PSD3: variants seen among roughly 807,000 people sequenced by gnomAD.
PSD3 encodes the protein PH and SEC7 domain-containing protein 3.
PSD3 carries 49 observed loss-of-function variants against 105.5 expected under a neutral mutation model. The ratio of observed to expected loss-of-function variants is 0.46; its 90% CI spans 0.37 to 0.59. The LOEUF (loss-of-function observed/expected upper bound fraction) is 0.59, where lower values mean the gene tolerates loss of function less well. Among genes scored for constraint, PSD3 ranks in the 20% least tolerant of loss-of-function variants. The pLI, the probability that PSD3 is intolerant of heterozygous loss-of-function variation, is 0.00. For synonymous variants in PSD3, 557 were observed against 457.8 expected (o/e 1.22, Z -2.77); for missense variants, 1,561 against 1,263.8 (o/e 1.24, Z -3.57).
intron 11 of PSD3, 81 bp from the exon 12 acceptor site, chr8:18,600,515 G>C: frequency 8.5e-7 from 1 of 1,175,128 alleles, no homozygotes; most frequent in South Asian, 1.3e-5. Flanking sequence ...CATGGTGACA[G>C]TGTTTCAATA....
At chr8:18,861,235 G>C (rs1357579480) in intron 4 of PSD3, among the ~76,000 whole-genome samples, 1 of 152,118 alleles carries the variant, frequency 6.6e-6, no homozygotes, top group Non-Finnish European at 1.5e-5. Context: ...TGCTGGAGAA[G>C]GGACAACACA....
intron 9 of PSD3, among the ~76,000 whole-genome samples, chr8:18,693,911 G>A (rs1359440887): frequency 6.6e-6 from 1 of 152,174 alleles, no homozygotes; most frequent in African/African-American, 2.4e-5. Flanking sequence ...ACTTATATTA[G>A]ATGGTGCAGG....
At chr8:18,578,903 CTA>C (rs1221563593) in intron 12 of PSD3, among the ~76,000 whole-genome samples, 1 of 151,958 alleles carries the variant, frequency 6.6e-6, no homozygotes, top group African/African-American at 2.4e-5. Flanking sequence ...AAGGAGAACA[CTA>C]TATACGGCAT....
At position 18,804,516 on chromosome 8, in the gene PSD3, T is replaced by A; in HGVS notation, c.1910+6A>T. ...AATGACGAGCAGCAAGGAGGCTTAG[T>A]CATACCTGAGTGACTGATCCAGCGT... On this transcript the variant is annotated splice_donor_region_variant and intron_variant, in intron 6 of 15. Transcript: ENST00000327040. 2 of 1,597,186 alleles carry A rather than the reference T, an allele frequency of 1.3e-6. No individual in the cohort carries two copies. The highest frequency in any genetic ancestry group is 2.2e-5 in the East Asian group (1 of 44,812).
intron 9 of PSD3, among the ~76,000 whole-genome samples, chr8:18,714,278 T>C (rs1213519043): frequency 1.3e-5 from 2 of 151,910 alleles, no homozygotes; most frequent in Non-Finnish European, 2.9e-5. Context: ...AATTGACAAA[T>C]GAAATCTAAT....
At chr8:18,791,712 A>C (rs544738040) in intron 8 of PSD3, among the ~76,000 whole-genome samples, 3 of 152,344 alleles carry the variant, frequency 2.0e-5, no homozygotes, top group African/African-American at 7.2e-5. Flanking sequence ...TTGGAATAAA[A>C]GCAAAAATTG....
chr8:18,850,394 C>T (rs1311840992), intron 4 of PSD3, among the ~76,000 whole-genome samples: 1 of 152,184 alleles, frequency 6.6e-6, no homozygotes, highest in African/African-American at 2.4e-5. Context: ...AAGCCCTGAT[C>T]AAAGATGATC....
intron 1 of PSD3, among the ~76,000 whole-genome samples, chr8:19,043,462 T>C (rs1586660809): frequency 6.6e-6 from 1 of 152,162 alleles, no homozygotes; most frequent in Non-Finnish European, 1.5e-5. Context: ...ACTAGTAGAT[T>C]GGGGTCCAAT....
At chr8:18,678,841 A>T (rs1800218425) in intron 9 of PSD3, among the ~76,000 whole-genome samples, 1 of 151,974 alleles carries the variant, frequency 6.6e-6, no homozygotes, top group Non-Finnish European at 1.5e-5. Flanking sequence ...TCCTTCTTGC[A>T]CCTCTCATCA....
chr8:18,800,525 GA>G (rs1218742748), intron 7 of PSD3, among the ~76,000 whole-genome samples: 4 of 152,160 alleles, frequency 2.6e-5, no homozygotes, highest in African/African-American at 9.7e-5. Context: ...GTAAGTTTAT[GA>G]AACATTTTCC....
At chr8:18,680,043 G>T (rs921212603) in intron 9 of PSD3, among the ~76,000 whole-genome samples, 1 of 152,226 alleles carries the variant, frequency 6.6e-6, no homozygotes, top group Admixed American at 6.5e-5. Flanking sequence ...TCATTTAAAC[G>T]GTATCACGTA....
At chr8:18,906,094 T>C (rs6982269) in intron 2 of PSD3, among the ~76,000 whole-genome samples, 9,248 of 152,264 alleles carry the variant, frequency 0.061, 300 homozygotes, top group Admixed American at 0.083. Context: ...AAAAATATAA[T>C]ACACTGATTT....
intron 1 of PSD3, among the ~76,000 whole-genome samples, chr8:19,067,481 C>G (rs996712584): frequency 2.6e-5 from 4 of 152,160 alleles, no homozygotes; most frequent in Non-Finnish European, 5.9e-5. Context: ...ACCATGTGTT[C>G]TTTGAACAAA....
At chr8:18,677,964 C>CCT (rs1563164838) in intron 9 of PSD3, among the ~76,000 whole-genome samples, 10 of 147,352 alleles carry the variant, frequency 6.8e-5, no homozygotes, top group Non-Finnish European at 1.3e-4. Context: ...GAGCCGAGAT[C>CCT]AGGCCACTGC....
chr8:18,881,329 G>T (rs1410406160), intron 2 of PSD3, among the ~76,000 whole-genome samples: 1 of 152,118 alleles, frequency 6.6e-6, no homozygotes, highest in Non-Finnish European at 1.5e-5. Flanking sequence ...AAAATGAAAT[G>T]AAATAGAAAG....
intron 9 of PSD3, among the ~76,000 whole-genome samples, chr8:18,710,657 C>G (rs556075485): frequency 3.9e-5 from 6 of 151,972 alleles, no homozygotes; most frequent in African/African-American, 1.4e-4. Context: ...AGAAACCTTA[C>G]GAGCCAGAAG....
intron 6 of PSD3, among the ~76,000 whole-genome samples, chr8:18,802,614 C>T (rs1464753298): frequency 6.6e-6 from 1 of 152,126 alleles, no homozygotes; most frequent in Non-Finnish European, 1.5e-5. Context: ...AGTACCTTTG[C>T]TGCATGAAAA....
intron 11 of PSD3, among the ~76,000 whole-genome samples, chr8:18,613,189 G>T: frequency 6.6e-6 from 1 of 151,890 alleles, no homozygotes; most frequent in East Asian, 1.9e-4. Flanking sequence ...CTGACGAAAT[G>T]CCGCCTTCAA....
At chr8:18,610,522 G>A (rs1416770133) in intron 11 of PSD3, among the ~76,000 whole-genome samples, 1 of 152,186 alleles carries the variant, frequency 6.6e-6, no homozygotes. Context: ...CTCTGAATCT[G>A]CTGTGATTCT....
Sources: allele counts gnomAD v4.1 joint callset (sites outside exome capture counted in the v4.1 genomes callset), GRCh38; gene constraint gnomAD v4.1.1; transcripts MANE v1.5; gene names NCBI Gene and HGNC (gene_info 2026-07-23, HGNC 2026-07-21).